MITF: variants seen among roughly 807,000 people sequenced by gnomAD.
MITF encodes microphthalmia-associated transcription factor.
Under a neutral mutation model 60.5 loss-of-function variants are expected in MITF, and 17 were observed. That is an observed-to-expected ratio of 0.28 (90% CI 0.19 to 0.42). MITF has a LOEUF of 0.42. MITF is among the 10% of genes least tolerant of loss of function. The pLI is 1.00. For synonymous variants in MITF, 260 were observed against 248.5 expected (o/e 1.05, Z -0.43); for missense variants, 622 against 683.5 (o/e 0.91, Z 1.00).
intron 1 of MITF, among the ~76,000 whole-genome samples, chr3:69,843,538 G>A (rs988114236): frequency 3.3e-5 from 5 of 152,072 alleles, no homozygotes; most frequent in Non-Finnish European, 5.9e-5. Flanking sequence ...TTTATTGTAT[G>A]GGGTGTCTGT....
intron 2 of MITF, among the ~76,000 whole-genome samples, chr3:69,889,251 G>A (rs1383088123): frequency 6.6e-6 from 1 of 151,240 alleles, no homozygotes; most frequent in East Asian, 1.9e-4. Context: ...CCTTAATCAG[G>A]GTCCCTGTTG....
At chr3:69,805,839 T>A (rs2062996936) in intron 1 of MITF, among the ~76,000 whole-genome samples, 1 of 152,056 alleles carries the variant, frequency 6.6e-6, no homozygotes, top group African/African-American at 2.4e-5. Flanking sequence ...TTTAAATTTT[T>A]TTGTGGAGAC....
At chr3:69,741,921 G>A (rs556130161) in intron 1 of MITF, among the ~76,000 whole-genome samples, 2 of 152,280 alleles carry the variant, frequency 1.3e-5, no homozygotes, top group South Asian at 4.1e-4. Context: ...CTTCTTACAA[G>A]TCTTTGTCGG....
intron 2 of MITF, among the ~76,000 whole-genome samples, chr3:69,913,311 T>C (rs76530263): frequency 0.015 from 2,348 of 152,190 alleles, 29 homozygotes; most frequent in Middle Eastern, 0.051. Context: ...GATGAGCTTG[T>C]TTTCTCATTT....
At chr3:69,899,470 A>T (rs992665458) in intron 2 of MITF, among the ~76,000 whole-genome samples, 1 of 152,162 alleles carries the variant, frequency 6.6e-6, no homozygotes, top group Non-Finnish European at 1.5e-5. Flanking sequence ...AGGCTAGGGG[A>T]GCCACACCTG....
At chr3:69,888,494 T>C (rs1379779907) in intron 2 of MITF, among the ~76,000 whole-genome samples, 1 of 151,454 alleles carries the variant, frequency 6.6e-6, no homozygotes, top group Non-Finnish European at 1.5e-5. Context: ...AGCCACATGT[T>C]CTTTTTACCT....
At chr3:69,895,009 G>T (rs529619732) in intron 2 of MITF, among the ~76,000 whole-genome samples, 3 of 152,284 alleles carry the variant, frequency 2.0e-5, no homozygotes, top group Admixed American at 2.0e-4. Context: ...AGGGGAAGTT[G>T]TCTTTCTGGG....
intron 1 of MITF, among the ~76,000 whole-genome samples, chr3:69,841,350 GTA>G (rs1355472203): frequency 2.6e-5 from 4 of 152,132 alleles, no homozygotes; most frequent in African/African-American, 9.7e-5. Flanking sequence ...TCTTTGTTTT[GTA>G]TAGTTAATTT....
chr3:69,956,410 C>A, intron 7 of MITF, 45 bp from the exon 8 acceptor site: 1 of 1,454,486 alleles, frequency 6.9e-7, no homozygotes, highest in South Asian at 1.1e-5. Context: ...TAAATGCATA[C>A]ATGGCACTGT....
intron 9 of MITF, among the ~76,000 whole-genome samples, chr3:69,963,500 G>T (rs1007042200): frequency 2.0e-5 from 3 of 152,180 alleles, no homozygotes; most frequent in African/African-American, 7.2e-5. Context: ...CTAACAACTT[G>T]GTAGCCATTT....
At chr3:69,823,191 T>C (rs990507983) in intron 1 of MITF, among the ~76,000 whole-genome samples, 1 of 152,234 alleles carries the variant, frequency 6.6e-6, no homozygotes, top group East Asian at 1.9e-4. Flanking sequence ...ATCCTTTTTT[T>C]AAATTAGCTT....
chr3:69,921,650 A>G (rs542583353), intron 2 of MITF, among the ~76,000 whole-genome samples: 3 of 152,294 alleles, frequency 2.0e-5, no homozygotes, highest in African/African-American at 7.2e-5. Flanking sequence ...TGTCAAGACA[A>G]GATGTGAAAT....
intron 2 of MITF, among the ~76,000 whole-genome samples, chr3:69,931,886 G>A (rs1454519420): frequency 1.3e-5 from 2 of 152,180 alleles, no homozygotes; most frequent in Non-Finnish European, 2.9e-5. Flanking sequence ...TGGAGACATG[G>A]CTATGGTTTC....
At chr3:69,895,970 T>C (rs74892582) in intron 2 of MITF, among the ~76,000 whole-genome samples, 247 of 151,912 alleles carry the variant, frequency 1.6e-3, no homozygotes, top group Middle Eastern at 0.01. Context: ...CTTCCCCTAT[T>C]TACCTCCCTC....
At chr3:69,786,027 C>T (rs1220685532) in intron 1 of MITF, among the ~76,000 whole-genome samples, 3 of 152,162 alleles carry the variant, frequency 2.0e-5, no homozygotes, top group East Asian at 3.8e-4. Flanking sequence ...GGAAATTGTA[C>T]ATTCTAACAT....
At chr3:69,960,146 C>T (rs772252525) in intron 9 of MITF, among the ~76,000 whole-genome samples, 2 of 152,204 alleles carry the variant, frequency 1.3e-5, no homozygotes, top group Non-Finnish European at 2.9e-5. Context: ...GACTATACCA[C>T]GTTAAACAAG....
intron 1 of MITF, among the ~76,000 whole-genome samples, chr3:69,793,629 C>G (rs2062781703): frequency 7.9e-6 from 1 of 127,168 alleles, no homozygotes; most frequent in African/African-American, 2.6e-5. Flanking sequence ...TTGAGAACCA[C>G]TCCTATAATG....
chr3:69,750,470 C>G (rs1703894259), intron 1 of MITF, among the ~76,000 whole-genome samples: 1 of 139,550 alleles, frequency 7.2e-6, no homozygotes, highest in Non-Finnish European at 1.5e-5. Flanking sequence ...AAGTGACACT[C>G]CTTTTTTTTT....
At chr3:69,823,558 C>T (rs746782118) in intron 1 of MITF, among the ~76,000 whole-genome samples, 1 of 152,200 alleles carries the variant, frequency 6.6e-6, no homozygotes, top group Non-Finnish European at 1.5e-5. Flanking sequence ...AAGGCCCCAC[C>T]ACCGAATATC....
Sources: allele counts gnomAD v4.1 joint callset (sites outside exome capture counted in the v4.1 genomes callset), GRCh38; gene constraint gnomAD v4.1.1; transcripts MANE v1.5; gene names NCBI Gene and HGNC (gene_info 2026-07-23, HGNC 2026-07-21).